Variants in NXPH2 observed in about 807,000 individuals in gnomAD.
The protein encoded by NXPH2 is neurexophilin-2.
Under a neutral mutation model 19.8 loss-of-function variants are expected in NXPH2, and 5 were observed. The observed-to-expected ratio is 0.25, with a 90% CI of 0.13 to 0.53. The LOEUF (loss-of-function observed/expected upper bound fraction) is 0.53, where lower values mean the gene tolerates loss of function less well. Among genes scored for constraint, NXPH2 ranks in the 20% least tolerant of loss-of-function variants. The probability of loss-of-function intolerance (pLI) is 0.96; values close to 1 mark genes in which losing one functional copy is unlikely to be tolerated. For synonymous variants in NXPH2, 154 were observed against 127.4 expected, an observed-to-expected ratio of 1.21 and a Z score of -1.41; for missense variants, 289 against 322.8, an observed-to-expected ratio of 0.90 and a Z score of 0.80.
chr2:138,725,013 A>G (rs1332737903), intron 1 of NXPH2, among the ~76,000 whole-genome samples: 2 of 152,222 alleles, frequency 1.3e-5, no homozygotes, highest in African/African-American at 2.4e-5. Flanking sequence ...TGGACAACTC[A>G]GTATTTTCTG....
intron 1 of NXPH2, among the ~76,000 whole-genome samples, chr2:138,679,323 G>A (rs961862473): frequency 4.6e-5 from 7 of 152,062 alleles, no homozygotes; most frequent in Non-Finnish European, 8.8e-5. Context: ...CCAGTGTTTA[G>A]CAAGTCTAAA....
intron 1 of NXPH2, among the ~76,000 whole-genome samples, chr2:138,746,839 C>A (rs1202856083): frequency 6.6e-6 from 1 of 152,110 alleles, no homozygotes; most frequent in Non-Finnish European, 1.5e-5. Flanking sequence ...CTTTCATTTT[C>A]TTTTTCTCAA....
At chr2:138,731,782 G>T (rs909464464) in intron 1 of NXPH2, among the ~76,000 whole-genome samples, 7 of 151,996 alleles carry the variant, frequency 4.6e-5, no homozygotes, top group Non-Finnish European at 1.0e-4. Flanking sequence ...CATTGGACCA[G>T]CACAAGCAGG....
Position 138,670,992 on chromosome 2 carries a change from T to G in NXPH2, c.725A>C (p.Tyr242Ser). Reference protein sequence around the residue: ...CIYIAFYSVDYKLVQKVCPDY... With the variant: ...CIYIAFYSVDSKLVQKVCPDY... ...AGGGCACACCTTTTGCACGAGTTTATAATCAACACTGTAAAAGGCAATGTA... is the reference window on the plus strand; with the variant it reads ...AGGGCACACCTTTTGCACGAGTTTAGAATCAACACTGTAAAAGGCAATGTA... Residue 242 changes from tyrosine to serine, a missense_variant, in exon 2 of 2, where the codon TAT (tyrosine) becomes TCT (serine). By Grantham distance (144) the Tyr-to-Ser change is moderately radical. Transcript: ENST00000272641. 6.2e-7 allele frequency: 1 copy of G among 1,614,008 alleles called. No individual in the cohort carries two copies. The highest frequency in any genetic ancestry group is 8.5e-7 in the Non-Finnish European group (1 of 1,179,874).
At chr2:138,747,300 G>A (rs1681752488) in intron 1 of NXPH2, among the ~76,000 whole-genome samples, 1 of 152,108 alleles carries the variant, frequency 6.6e-6, no homozygotes, top group Non-Finnish European at 1.5e-5. Context: ...AGGTGTTCTG[G>A]GGCTGGTAGT....
chr2:138,699,537 A>C (rs1012941364), intron 1 of NXPH2, among the ~76,000 whole-genome samples: 1 of 152,082 alleles, frequency 6.6e-6, no homozygotes, highest in Non-Finnish European at 1.5e-5. Flanking sequence ...CATCCGGCAC[A>C]CGGGATGGTA....
At chr2:138,686,539 ATTTATTTAT>A (rs1680655427) in intron 1 of NXPH2, among the ~76,000 whole-genome samples, 1 of 135,580 alleles carries the variant, frequency 7.4e-6, no homozygotes, top group South Asian at 2.3e-4. Context: ...AGAAATTGTT[ATTTATTTAT>A]TTTATTTTAT....
At chr2:138,713,910 T>C (rs762820741) in intron 1 of NXPH2, among the ~76,000 whole-genome samples, 3 of 151,984 alleles carry the variant, frequency 2.0e-5, no homozygotes, top group Non-Finnish European at 2.9e-5. Context: ...TTAGTTCCTA[T>C]TGGCACATTC....
intron 1 of NXPH2, among the ~76,000 whole-genome samples, chr2:138,687,302 A>G (rs1680674058): frequency 6.6e-6 from 1 of 152,212 alleles, no homozygotes; most frequent in Non-Finnish European, 1.5e-5. Flanking sequence ...TCTGATGGCC[A>G]GTGATGATGA....
At chr2:138,686,922 T>C (rs1264546101) in intron 1 of NXPH2, among the ~76,000 whole-genome samples, 1 of 152,204 alleles carries the variant, frequency 6.6e-6, no homozygotes, top group Non-Finnish European at 1.5e-5. Flanking sequence ...ATGGTGTATA[T>C]GTGCCACATT....
intron 1 of NXPH2, 117 bp downstream of exon 1, chr2:138,780,074 G>T: frequency 9.9e-7 from 1 of 1,012,898 alleles, no homozygotes; most frequent in South Asian, 1.9e-5. Context: ...CCCTCCGCGC[G>T]CCCCCAACCC....
intron 1 of NXPH2, among the ~76,000 whole-genome samples, chr2:138,745,426 G>T (rs1346660394): frequency 2.1e-5 from 3 of 146,032 alleles, no homozygotes; most frequent in African/African-American, 7.8e-5. Flanking sequence ...CAAGCTAATT[G>T]TGTACTGGCC....
At chr2:138,757,906 C>G (rs1681941732) in intron 1 of NXPH2, among the ~76,000 whole-genome samples, 1 of 151,940 alleles carries the variant, frequency 6.6e-6, no homozygotes, top group African/African-American at 2.4e-5. Flanking sequence ...CTGACTGATA[C>G]ATACCTTAAT....
intron 1 of NXPH2, among the ~76,000 whole-genome samples, chr2:138,677,964 G>C (rs1489887728): frequency 3.3e-5 from 5 of 152,106 alleles, no homozygotes; most frequent in Admixed American, 3.3e-4. Flanking sequence ...AACCAATATT[G>C]ATACATTATT....
chr2:138,694,847 G>T (rs1680805448), intron 1 of NXPH2, among the ~76,000 whole-genome samples: 1 of 152,138 alleles, frequency 6.6e-6, no homozygotes, highest in East Asian at 1.9e-4. Flanking sequence ...AGAACGTATT[G>T]CTCCCAGATT....
At chr2:138,696,059 A>G (rs1680824037) in intron 1 of NXPH2, among the ~76,000 whole-genome samples, 1 of 152,154 alleles carries the variant, frequency 6.6e-6, no homozygotes, top group African/African-American at 2.4e-5. Context: ...ATTTTCTGAC[A>G]ATTAAGTTGG....
chr2:138,760,269 C>T (rs1386398815), intron 1 of NXPH2, among the ~76,000 whole-genome samples: 1 of 152,268 alleles, frequency 6.6e-6, no homozygotes, highest in East Asian at 1.9e-4. Context: ...CAATAAGACA[C>T]TCATCTGCAA....
At chr2:138,751,461 CTGTT>C (rs1466875779) in intron 1 of NXPH2, among the ~76,000 whole-genome samples, 1 of 152,076 alleles carries the variant, frequency 6.6e-6, no homozygotes, top group East Asian at 1.9e-4. Context: ...TGGCTTCAAT[CTGTT>C]TGTCAGATTT....
chr2:138,772,645 G>T (rs1682197803), intron 1 of NXPH2, among the ~76,000 whole-genome samples: 1 of 152,136 alleles, frequency 6.6e-6, no homozygotes, highest in African/African-American at 2.4e-5. Context: ...AATGCCCCAA[G>T]AATTCATTTG....
Sources: gnomAD v4.1 joint callset for allele counts (sites outside exome capture counted in the v4.1 genomes callset) on GRCh38, gnomAD v4.1.1 for gene constraint, MANE v1.5 for transcripts, NCBI Gene and HGNC (gene_info 2026-07-23, HGNC 2026-07-21) for gene names.